The following TTC39C variants were observed in gnomAD, a reference collection of about 807,000 sequenced individuals.
TTC39C encodes the protein tetratricopeptide repeat protein 39C.
In TTC39C, 33 loss-of-function variants were observed where a neutral mutation model predicts 76.3. The ratio of observed to expected loss-of-function variants is 0.43; its 90% CI spans 0.33 to 0.58. The LOEUF is 0.58. TTC39C is among the 20% of genes least tolerant of loss of function. TTC39C has a pLI of 0.04. For missense variants in TTC39C, 595 were observed against 701.4 expected (o/e 0.85, Z 1.71); for synonymous variants, 254 against 260.6 (o/e 0.97, Z 0.24).
At chr18:24,065,878 G>T (rs1229167702) in intron 2 of TTC39C, 134 bp from the exon 3 acceptor site, 6 of 879,170 alleles carry the variant, frequency 6.8e-6, no homozygotes, top group African/African-American at 1.7e-5. Context: ...AATAGATTAT[G>T]CTGTAACATT....
rs185769851 is a variant in TTC39C, at chr18:24,121,994, T to C, written c.1187-1840T>C. Among the ~76,000 whole-genome samples, 3 of 152,310 alleles carry C rather than the reference T, an allele frequency of 2.0e-5. No homozygotes were observed. In the East Asian group the frequency reaches 5.8e-4, roughly 29 times the overall value. On this transcript the variant is annotated intron_variant, in intron 8 of 13. Transcript: ENST00000317571. ...ATGCCCCAGTGACTGGGAAAGGAGTTGTCCCTTCCTTTGAATATTCAGCCT... is the reference window on the plus strand; with the variant it reads ...ATGCCCCAGTGACTGGGAAAGGAGTCGTCCCTTCCTTTGAATATTCAGCCT...
chr18:24,060,764 C>T (rs913833194), intron 1 of TTC39C, among the ~76,000 whole-genome samples: 4 of 152,174 alleles, frequency 2.6e-5, no homozygotes, highest in African/African-American at 7.2e-5. Context: ...TGCTTTCTCA[C>T]GTACTATGAC....
intron 1 of TTC39C, chr18:24,016,631 ACTAT>A (rs1271433068): frequency 2.8e-5 from 11 of 398,528 alleles, no homozygotes; most frequent in East Asian, 2.5e-4. Context: ...AAATTTTTGC[ACTAT>A]CTAAGAAATT....
chr18:24,120,790 T>G (rs2084957359), intron 8 of TTC39C, among the ~76,000 whole-genome samples: 1 of 152,218 alleles, frequency 6.6e-6, no homozygotes, highest in Non-Finnish European at 1.5e-5. Flanking sequence ...GTGAAATATA[T>G]TTGTCCTTTT....
At chr18:24,033,207 C>T (rs2083693156) in intron 1 of TTC39C, among the ~76,000 whole-genome samples, 2 of 152,208 alleles carry the variant, frequency 1.3e-5, no homozygotes, top group South Asian at 4.1e-4. Context: ...GAGCTGAGAT[C>T]ATGCCACTGT....
chr18:24,060,607 C>T lies in TTC39C; in HGVS notation c.168-3533C>T, dbSNP rs373494940. 2.1e-3 allele frequency among the ~76,000 whole-genome samples: 314 copies of T among 152,204 alleles called. 4 individuals are homozygous for T. The highest frequency in any genetic ancestry group is 7.0e-3 in the African/African-American group (291 of 41,534). On this transcript the variant is annotated intron_variant, in intron 1 of 13. Transcript: ENST00000317571. ...ACAGGCGTGAGCCACTGCGCCTGGCCGTATTCTTTTAAAGATAAAAAATTC... is the reference window on the plus strand; with the variant it reads ...ACAGGCGTGAGCCACTGCGCCTGGCTGTATTCTTTTAAAGATAAAAAATTC...
chr18:24,037,481 C>T (rs1313051759), intron 1 of TTC39C, among the ~76,000 whole-genome samples: 2 of 152,152 alleles, frequency 1.3e-5, no homozygotes, highest in Admixed American at 6.5e-5. Context: ...ACCATTTGTG[C>T]TATTTATCCC....
chr18:24,113,562 G>A, intron 6 of TTC39C: 4 of 702,250 alleles, frequency 5.7e-6, no homozygotes, highest in East Asian at 2.7e-5. Flanking sequence ...GCAAGTGTAG[G>A]GCAGTGAGAG....
chr18:23,996,938 T>C (rs1421342938), intron 1 of TTC39C, among the ~76,000 whole-genome samples: 1 of 151,698 alleles, frequency 6.6e-6, no homozygotes, highest in Non-Finnish European at 1.5e-5. Flanking sequence ...TGAAACCCCG[T>C]CTCTACTAAA....
At chr18:24,109,848 T>C (rs960663938) in intron 6 of TTC39C, among the ~76,000 whole-genome samples, 2 of 151,596 alleles carry the variant, frequency 1.3e-5, no homozygotes, top group Non-Finnish European at 1.5e-5. Flanking sequence ...CTAGTAAAAA[T>C]CCAAAAAATT....
chr18:24,020,225 T>G, intron 1 of TTC39C: 1 of 1,073,278 alleles, frequency 9.3e-7, no homozygotes, highest in South Asian at 4.4e-5. Flanking sequence ...GAAAAAGGCA[T>G]CTTTTTTCCC....
At chr18:24,061,196 T>C (rs546572473) in intron 1 of TTC39C, among the ~76,000 whole-genome samples, 2 of 152,178 alleles carry the variant, frequency 1.3e-5, no homozygotes, top group East Asian at 1.9e-4. Context: ...CCTACCATTG[T>C]TTTTTCAATA....
rs1568409120 is a variant in TTC39C at position 24,024,005 on chromosome 18, TA to T, written c.167+8968del. On this transcript the variant is annotated intron_variant, in intron 1 of 13. Transcript: ENST00000317571. Reference sequence around the variant, plus strand: ...ACATATATATATATATATATATATATATATATATATATTTTTTTTTTTTTTT... The same window carrying T: ...ACATATATATATATATATATATATATTATATATATATTTTTTTTTTTTTTT... Among the ~76,000 whole-genome samples, 14 of 19,870 alleles carry T rather than the reference TA, an allele frequency of 7.0e-4. 1 individual carries two copies. Among genetic ancestry groups the T allele is most frequent in the African/African-American group, 2.3e-3 (7 of 3,072 alleles). 13.0% of individuals were successfully genotyped at this position (19,870 alleles called of 152,430 possible).
intron 5 of TTC39C, among the ~76,000 whole-genome samples, chr18:24,082,542 G>A (rs1286671558): frequency 2.0e-5 from 3 of 152,074 alleles, no homozygotes; most frequent in African/African-American, 4.8e-5. Flanking sequence ...ACAAGGGAAC[G>A]GTAAACTCAT....
chr18:24,030,514 T>G (rs1178449499), intron 1 of TTC39C, among the ~76,000 whole-genome samples: 3 of 152,216 alleles, frequency 2.0e-5, no homozygotes, highest in African/African-American at 7.2e-5. Context: ...TGATCTTTGC[T>G]TAAATGCCTG....
At position 24,125,523 on chromosome 18, in the gene TTC39C, T is replaced by C. The variant is rs948769279; in HGVS notation, c.1393T>C (p.Phe465Leu). Residue 465 changes from phenylalanine (F) to leucine (L), a missense_variant, in exon 10 of 14, where the codon TTC becomes CTC. By Grantham distance (22) the Phe-to-Leu change is conservative (BLOSUM62 0). Transcript: ENST00000317571. Reference sequence around the variant, plus strand: ...GTGGAAAGCTCTTCCAAACTGTTCCTTCCCCAACCTGCAGAGGATGAGTCA... The same window carrying C: ...GTGGAAAGCTCTTCCAAACTGTTCCCTCCCCAACCTGCAGAGGATGAGTCA... ...YLWKALPNCS[F>L]PNLQRMSQAC... 6.2e-7 allele frequency: 1 copy of C among 1,614,096 alleles called. No individual in the cohort carries two copies. The highest frequency in any genetic ancestry group is 8.5e-7 in the Non-Finnish European group (1 of 1,180,050).
intron 1 of TTC39C, among the ~76,000 whole-genome samples, chr18:24,002,467 C>T (rs2145627328): frequency 6.6e-6 from 1 of 152,278 alleles, no homozygotes; most frequent in Non-Finnish European, 1.5e-5. Context: ...GTTTTAAGGG[C>T]AGGTGGTGTT....
chr18:24,025,731 G>T (rs554601611), intron 1 of TTC39C, among the ~76,000 whole-genome samples: 1 of 152,102 alleles, frequency 6.6e-6, no homozygotes, highest in African/African-American at 2.4e-5. Flanking sequence ...ATTGAGAGGC[G>T]CTGAGCTTGG....
chr18:24,080,672 A>T lies in TTC39C; in HGVS notation c.548A>T (p.Tyr183Phe), dbSNP rs201690284. 1 of 1,614,196 alleles carries T rather than the reference A, an allele frequency of 6.2e-7. No individual in the cohort carries two copies. Among genetic ancestry groups the T allele is most frequent in the East Asian group, 2.2e-5 (1 of 44,882 alleles). Reference sequence around the variant, plus strand: ...GACATCAATGCCCTTCAGGAGCTGTATCAGAAGAAGCTAACTGAAGAGTCC... The same window carrying T: ...GACATCAATGCCCTTCAGGAGCTGTTTCAGAAGAAGCTAACTGAAGAGTCC... ...YLDINALQEL[Y>F]QKKLTEESLT... is the part of the protein sequence containing the mutation. Residue 183 changes from tyrosine to phenylalanine, a missense_variant, in exon 5 of 14, where the codon TAT becomes TTT. Transcript: ENST00000317571.
Sources: allele counts gnomAD v4.1 joint callset (sites outside exome capture counted in the v4.1 genomes callset), GRCh38; gene constraint gnomAD v4.1.1; transcripts MANE v1.5; gene names NCBI Gene and HGNC (gene_info 2026-07-23, HGNC 2026-07-21).